ADAM18: variants seen among roughly 807,000 people sequenced by gnomAD.
ADAM18 encodes the protein disintegrin and metalloproteinase domain-containing protein 18.
ADAM18 carries 117 observed loss-of-function variants against 94.4 expected under a neutral mutation model. The ratio of observed to expected loss-of-function variants is 1.24; its 90% CI spans 1.07 to 1.45. ADAM18 has a LOEUF of 1.45. Among genes scored for constraint, ADAM18 ranks in the 40% most tolerant of loss-of-function variants. The pLI, the probability that ADAM18 is intolerant of heterozygous loss-of-function variation, is 0.00. For missense variants in ADAM18, 936 were observed against 880.0 expected (o/e 1.06, Z -0.81); for synonymous variants, 327 against 291.6 (o/e 1.12, Z -1.24).
At chr8:39,632,007 C>T (rs562415998) in intron 7 of ADAM18, among the ~76,000 whole-genome samples, 1 of 151,700 alleles carries the variant, frequency 6.6e-6, no homozygotes, top group South Asian at 2.1e-4. Flanking sequence ...TATCTTATAT[C>T]CTGTTATTTT....
chr8:39,618,225 A>G (rs1453545128), intron 6 of ADAM18, among the ~76,000 whole-genome samples: 1 of 152,154 alleles, frequency 6.6e-6, no homozygotes, highest in African/African-American at 2.4e-5. Context: ...AATAATAGAC[A>G]CACACAAGCT....
rs972073879 is a variant in ADAM18 at position 39,635,941 on chromosome 8, T to G, written c.589-1323T>G. Among the ~76,000 whole-genome samples the G allele has an allele frequency of 3.3e-5, 5 of 152,228 alleles. 1 individual carries two copies. In the South Asian group the frequency reaches 1.0e-3, roughly 32 times the overall value. On this transcript the variant is annotated intron_variant, in intron 7 of 19. Transcript: ENST00000265707. ...TGCCCTTTTCCTACATTCTGAATGA[T>G]TTTTGTACAAATGCCTTTACTTATT... is the stretch of plus-strand genomic sequence containing the variant.
chr8:39,661,798 T>C (rs1417239560), intron 12 of ADAM18, among the ~76,000 whole-genome samples: 1 of 152,004 alleles, frequency 6.6e-6, no homozygotes, highest in African/African-American at 2.4e-5. Context: ...CACATTTGTA[T>C]GGGTGAGTGG....
chr8:39,626,927 G>T (rs1239007318), intron 6 of ADAM18, among the ~76,000 whole-genome samples: 1 of 151,986 alleles, frequency 6.6e-6, no homozygotes, highest in African/African-American at 2.4e-5. Context: ...TCTAGAGTAT[G>T]GTTTAAGTCC....
intron 3 of ADAM18, among the ~76,000 whole-genome samples, chr8:39,607,697 G>A (rs1162868795): frequency 6.6e-6 from 1 of 151,110 alleles, no homozygotes; most frequent in African/African-American, 2.4e-5. Flanking sequence ...AAGTACTCTG[G>A]GTACTTCAGT....
chr8:39,640,273 A>G (rs1563287015), intron 10 of ADAM18, among the ~76,000 whole-genome samples: 1 of 152,090 alleles, frequency 6.6e-6, no homozygotes, highest in Non-Finnish European at 1.5e-5. Flanking sequence ...AAGTGAGAAT[A>G]TGTGGTATTT....
In ADAM18 at chr8:39,668,110, G is replaced by A. The variant is rs1821042033; in HGVS notation, c.1439G>A (p.Gly480Asp). The A allele has an allele frequency of 3.1e-6, 5 of 1,614,100 alleles. No homozygotes were observed. Among genetic ancestry groups the A allele is most frequent in the Non-Finnish European group, 4.2e-6 (5 of 1,180,016 alleles). Residue 480 changes from glycine (G) to aspartate (D), a missense_variant, in exon 14 of 20, where the codon GGC becomes GAC. By Grantham distance (94) the Gly-to-Asp change is moderately conservative (BLOSUM62 -1). Coordinates refer to ENST00000265707, the MANE Select transcript of ADAM18 (RefSeq NM_014237.3). The part of the protein sequence containing the change: ...NCVPDTYALN[G>D]RLCKLGTAYC... ...GTTCCTGACACTTATGCATTGAATG[G>A]CCGTTTGTGCAAGTTGGGAACTGCC...
At chr8:39,682,245 C>T (rs1821482119) in intron 16 of ADAM18, among the ~76,000 whole-genome samples, 1 of 152,160 alleles carries the variant, frequency 6.6e-6, no homozygotes, top group South Asian at 2.1e-4. Flanking sequence ...TCAGCCATCT[C>T]AGCAGAAGCC....
intron 17 of ADAM18, among the ~76,000 whole-genome samples, chr8:39,704,714 T>A (rs1300450764): frequency 6.6e-6 from 1 of 152,080 alleles, no homozygotes; most frequent in Non-Finnish European, 1.5e-5. Flanking sequence ...AGTTAAGGAG[T>A]GACCATTTTT....
At chr8:39,606,847 A>G (rs1327179268) in intron 3 of ADAM18, among the ~76,000 whole-genome samples, 1 of 152,062 alleles carries the variant, frequency 6.6e-6, no homozygotes, top group Non-Finnish European at 1.5e-5. Flanking sequence ...ATTACAGTCA[A>G]AGGGGGTTGT....
At chr8:39,691,900 A>C (rs897118719) in intron 16 of ADAM18, among the ~76,000 whole-genome samples, 13 of 151,986 alleles carry the variant, frequency 8.6e-5, no homozygotes, top group Admixed American at 7.9e-4. Flanking sequence ...GGTTTTATGC[A>C]GATTTGAGGA....
intron 7 of ADAM18, among the ~76,000 whole-genome samples, chr8:39,633,941 G>C (rs1820003276): frequency 6.6e-6 from 1 of 151,982 alleles, no homozygotes. Flanking sequence ...GAGCAAGTCA[G>C]CTGCTATTTA....
At chr8:39,690,331 T>G (rs1359207604) in intron 16 of ADAM18, among the ~76,000 whole-genome samples, 1 of 151,810 alleles carries the variant, frequency 6.6e-6, no homozygotes, top group African/African-American at 2.4e-5. Context: ...GTGGAAGGTG[T>G]GTGCACTCTA....
chr8:39,700,991 G>A (rs922804943), intron 17 of ADAM18, among the ~76,000 whole-genome samples: 31 of 149,052 alleles, frequency 2.1e-4, no homozygotes, highest in Non-Finnish European at 3.7e-4. Context: ...AGTGGCGGGC[G>A]CCTGTAGTCC....
chr8:39,676,498 G>T (rs113093033), intron 14 of ADAM18, among the ~76,000 whole-genome samples: 9,216 of 152,270 alleles, frequency 0.061, 389 homozygotes, highest in Non-Finnish European at 0.09. Context: ...TAAGACCTTG[G>T]GAAAAGTGCA....
At chr8:39,646,935 A>T (rs1820396864) in intron 11 of ADAM18, among the ~76,000 whole-genome samples, 1 of 152,158 alleles carries the variant, frequency 6.6e-6, no homozygotes. Flanking sequence ...TGTTGTCAAG[A>T]AGGATCTCTC....
At chr8:39,723,053 T>C (rs552488431) in intron 18 of ADAM18, among the ~76,000 whole-genome samples, 5 of 151,700 alleles carry the variant, frequency 3.3e-5, no homozygotes, top group Non-Finnish European at 7.4e-5. Flanking sequence ...AGGATCCTTT[T>C]TGAGACCTGG....
intron 6 of ADAM18, among the ~76,000 whole-genome samples, chr8:39,621,197 A>G (rs1819603703): frequency 6.6e-6 from 1 of 152,140 alleles, no homozygotes; most frequent in Non-Finnish European, 1.5e-5. Flanking sequence ...AAATATTTAC[A>G]TCATCACTAC....
chr8:39,717,873 AAAAC>A lies in ADAM18; in HGVS notation c.2018-5867_2018-5864del, dbSNP rs550871203. Among the ~76,000 whole-genome samples the A allele has an allele frequency of 3.0e-3, 457 of 151,790 alleles. 1 individual carries two copies. The highest frequency in any genetic ancestry group is 5.2e-3 in the South Asian group (25 of 4,834). On this transcript the variant is annotated intron_variant, in intron 18 of 19. Transcript: ENST00000265707. ...AAGAAATCCCTATGACCTAATAGTG[AAAAC>A]AAACAAAGAACAAAATACCTTATAA... is the stretch of plus-strand genomic sequence containing the variant.
Sources: gnomAD v4.1 joint callset for allele counts (sites outside exome capture counted in the v4.1 genomes callset) on GRCh38, gnomAD v4.1.1 for gene constraint, MANE v1.5 for transcripts, NCBI Gene and HGNC (gene_info 2026-07-23, HGNC 2026-07-21) for gene names.